FABP12: variants seen among roughly 807,000 people sequenced by gnomAD.
The protein encoded by FABP12 is fatty acid binding protein 12, also known as fatty acid-binding protein 12.
FABP12 carries 19 observed loss-of-function variants against 13.7 expected under a neutral mutation model. The ratio of observed to expected loss-of-function variants is 1.39; its 90% CI spans 0.97 to 2.04. The LOEUF (loss-of-function observed/expected upper bound fraction) is 2.04. Ranked by LOEUF, FABP12 falls within the 30% of genes most tolerant of loss-of-function variation. The pLI, the probability that FABP12 is intolerant of heterozygous loss-of-function variation, is 0.00. For synonymous variants in FABP12, 61 were observed against 57.0 expected, an observed-to-expected ratio of 1.07 and a Z score of -0.32; for missense variants, 182 against 164.2, an observed-to-expected ratio of 1.11 and a Z score of -0.59.
At chr8:81,545,841 T>A (rs74612468) in intron 1 of FABP12, among the ~76,000 whole-genome samples, 5,339 of 152,304 alleles carry the variant, frequency 0.035, 129 homozygotes, top group Middle Eastern at 0.099. Context: ...ATATTCCTTA[T>A]CTCTAGCTTC....
chr8:81,534,219 A>G (rs1006245606), upstream of FABP12, among the ~76,000 whole-genome samples: 5 of 152,122 alleles, frequency 3.3e-5, no homozygotes, highest in African/African-American at 9.7e-5. Flanking sequence ...CCCAAGCATC[A>G]GGGCAGCTCA....
chr8:81,570,053 C>T (rs776496601), intron 1 of FABP12, among the ~76,000 whole-genome samples: 11 of 152,246 alleles, frequency 7.2e-5, no homozygotes, highest in African/African-American at 1.2e-4. Context: ...TGCCACGGGG[C>T]GGGCAGCTCC....
intron 1 of FABP12, among the ~76,000 whole-genome samples, chr8:81,586,856 A>C (rs1052864950): frequency 2.2e-4 from 34 of 152,152 alleles, no homozygotes; most frequent in Non-Finnish European, 4.4e-5. Context: ...CCTTGTCATG[A>C]AGTCTTTGGA....
intron 1 of FABP12, among the ~76,000 whole-genome samples, chr8:81,582,001 T>C (rs1393530450): frequency 6.8e-6 from 1 of 146,888 alleles, no homozygotes; most frequent in Non-Finnish European, 1.5e-5. Flanking sequence ...AAACAAAAAA[T>C]AAACAAAACA....
upstream of FABP12, among the ~76,000 whole-genome samples, chr8:81,536,371 AC>A (rs1328405935): frequency 3.9e-5 from 6 of 152,250 alleles, no homozygotes; most frequent in Admixed American, 6.5e-5. Flanking sequence ...TAACTTTCCT[AC>A]AAAGCAGGAG....
intron 1 of FABP12, among the ~76,000 whole-genome samples, chr8:81,563,443 A>G (rs926607056): frequency 7.2e-5 from 11 of 152,246 alleles, no homozygotes; most frequent in Admixed American, 4.6e-4. Flanking sequence ...AATGAACTAA[A>G]TAAGGTACCA....
intron 1 of FABP12, among the ~76,000 whole-genome samples, chr8:81,544,210 T>G (rs1366966557): frequency 6.6e-6 from 1 of 152,200 alleles, no homozygotes; most frequent in Non-Finnish European, 1.5e-5. Context: ...GAATTAACGT[T>G]AACTGGGTGG....
chr8:81,551,340 T>C (rs955876762), intron 1 of FABP12, among the ~76,000 whole-genome samples: 2 of 152,120 alleles, frequency 1.3e-5, no homozygotes, highest in Non-Finnish European at 2.9e-5. Flanking sequence ...TGACCTATAT[T>C]CTCTGGTCAC....
chr8:81,555,178 C>CTTCG (rs1213468669), intron 1 of FABP12, among the ~76,000 whole-genome samples: 1 of 152,178 alleles, frequency 6.6e-6, no homozygotes, highest in African/African-American at 2.4e-5. Context: ...ATCACATGAT[C>CTTCG]TTCGTTTAAT....
intron 1 of FABP12, among the ~76,000 whole-genome samples, chr8:81,553,389 C>T (rs1307992475): frequency 6.6e-6 from 1 of 152,180 alleles, no homozygotes; most frequent in East Asian, 1.9e-4. Context: ...ATTTTGGACA[C>T]AGTGCTATTG....
chr8:81,555,680 C>A (rs1361564567), intron 1 of FABP12, among the ~76,000 whole-genome samples: 1 of 152,134 alleles, frequency 6.6e-6, no homozygotes, highest in Non-Finnish European at 1.5e-5. Context: ...TCAATTAAGG[C>A]AACATCCTAT....
chr8:81,529,731 T>C, intron 2 of FABP12, 121 bp from the exon 3 acceptor site: 1 of 921,466 alleles, frequency 1.1e-6, no homozygotes, highest in African/African-American at 1.7e-5. Context: ...TGTATAATTC[T>C]TTGCTAACTA....
At chr8:81,548,281 T>TTATGCTG (rs999252812) in intron 1 of FABP12, among the ~76,000 whole-genome samples, 15 of 152,188 alleles carry the variant, frequency 9.9e-5, no homozygotes, top group Non-Finnish European at 2.2e-4. Flanking sequence ...ATGTATTAGA[T>TTATGCTG]TATGCTGTAT....
chr8:81,537,403 T>C (rs796731125), upstream of FABP12, among the ~76,000 whole-genome samples: 27 of 152,188 alleles, frequency 1.8e-4, no homozygotes, highest in African/African-American at 6.0e-4. Flanking sequence ...GCTATAAAAT[T>C]CTTCTACTTT....
In FABP12 at chr8:81,567,528, A is replaced by G. The variant is rs554541457; in HGVS notation, c.-185+22525T>C. 1.3e-3 allele frequency among the ~76,000 whole-genome samples: 201 copies of G among 152,238 alleles called. 1 individual carries two copies. Among genetic ancestry groups the G allele is most frequent in the Non-Finnish European group, 2.4e-3 (165 of 68,044 alleles). ...TAAATCTAGAGTAAACTCCTATTTGACAAAGGTGCCAAGAACATACATTGG... is the reference window on the plus strand; with the variant it reads ...TAAATCTAGAGTAAACTCCTATTTGGCAAAGGTGCCAAGAACATACATTGG... On this transcript the variant is annotated intron_variant, in intron 1 of 5. Coordinates refer to the FABP12 transcript ENST00000692030.
intron 1 of FABP12, among the ~76,000 whole-genome samples, chr8:81,579,992 T>C (rs1217164050): frequency 1.3e-5 from 2 of 152,190 alleles, no homozygotes; most frequent in Non-Finnish European, 2.9e-5. Flanking sequence ...AACATACTGG[T>C]TTAAAATTTG....
chr8:81,581,365 G>C (rs1810158930), intron 1 of FABP12, among the ~76,000 whole-genome samples: 1 of 152,128 alleles, frequency 6.6e-6, no homozygotes, highest in Non-Finnish European at 1.5e-5. Context: ...CCTCAGGAAG[G>C]GGAAGGAATT....
upstream of FABP12, among the ~76,000 whole-genome samples, chr8:81,537,819 C>T (rs565711105): frequency 6.6e-6 from 1 of 152,260 alleles, no homozygotes; most frequent in South Asian, 2.1e-4. Context: ...CGTGGTCTTC[C>T]AAGCAAGCAG....
intron 1 of FABP12, among the ~76,000 whole-genome samples, chr8:81,573,385 T>TG (rs1809969848): frequency 6.6e-6 from 1 of 152,338 alleles, no homozygotes; most frequent in East Asian, 1.9e-4. Context: ...GGCAGTGTGA[T>TG]GCCTCCAGAT....
Sources: gnomAD v4.1 joint callset for allele counts (sites outside exome capture counted in the v4.1 genomes callset) on GRCh38, gnomAD v4.1.1 for gene constraint, MANE v1.5 for transcripts, NCBI Gene and HGNC (gene_info 2026-07-23, HGNC 2026-07-21) for gene names.